Variants in YTHDF3 observed in about 807,000 individuals in gnomAD.
YTHDF3 encodes the protein YTH N6-methyladenosine RNA binding protein F3, also known as YTH domain-containing family protein 3.
A neutral mutation model predicts 52.5 loss-of-function variants in YTHDF3; 9 were observed. That is an observed-to-expected ratio of 0.17 (90% CI 0.10 to 0.30). YTHDF3 has a LOEUF of 0.30. Among genes scored for constraint, YTHDF3 ranks in the 10% least tolerant of loss-of-function variants. YTHDF3 has a pLI of 1.00. For missense variants in YTHDF3, 534 were observed against 715.0 expected (o/e 0.75, Z 2.89); for synonymous variants, 274 against 243.3 (o/e 1.13, Z -1.18).
Position 63,210,943 on chromosome 8 carries a change from G to T in YTHDF3, c.*1237G>T, listed in dbSNP as rs907649956. 1 of 152,442 alleles carries T rather than the reference G, an allele frequency of 6.6e-6. No homozygotes were observed. Among genetic ancestry groups the T allele is most frequent in the African/African-American group, 2.4e-5 (1 of 41,418 alleles). The allele number at this position is 152,442 out of a possible 1,614,324, so 9.4% of individuals were successfully genotyped here. On this transcript the variant is annotated 3_prime_UTR_variant, in exon 5 of 5. Coordinates refer to ENST00000539294, the MANE Select transcript of YTHDF3 (RefSeq NM_152758.6). ...GTATTAATTGATTTGATGGCATAAGGTTATGAAAATAATGTACTGCCCCAT... is the reference window on the plus strand; with the variant it reads ...GTATTAATTGATTTGATGGCATAAGTTTATGAAAATAATGTACTGCCCCAT...
At chr8:63,193,101 T>C (rs983661512) in intron 4 of YTHDF3, among the ~76,000 whole-genome samples, 2 of 152,062 alleles carry the variant, frequency 1.3e-5, no homozygotes, top group Non-Finnish European at 2.9e-5. Context: ...TGGCTGGGCA[T>C]GGTGGCTCAC....
intron 2 of YTHDF3, among the ~76,000 whole-genome samples, chr8:63,171,568 A>G (rs553530637): frequency 6.6e-6 from 1 of 152,314 alleles, no homozygotes; most frequent in South Asian, 2.1e-4. Context: ...TTATGACTGC[A>G]GGGAGAATTA....
chr8:63,180,213 TCAGA>T (rs1808018318), intron 3 of YTHDF3, among the ~76,000 whole-genome samples: 1 of 145,558 alleles, frequency 6.9e-6, no homozygotes, highest in South Asian at 2.3e-4. Context: ...GCCTCACTTC[TCAGA>T]CGGGGCGGTT....
intron 1 of YTHDF3, chr8:63,169,116 G>T (rs1176600216): frequency 1.3e-5 from 18 of 1,398,934 alleles, no homozygotes; most frequent in Non-Finnish European, 1.6e-5. Flanking sequence ...GTGGGGGCAA[G>T]GACCGGTCTT....
At chr8:63,194,302 G>T (rs1809099192) in intron 4 of YTHDF3, among the ~76,000 whole-genome samples, 1 of 151,790 alleles carries the variant, frequency 6.6e-6, no homozygotes, top group Admixed American at 6.6e-5. Flanking sequence ...TGGCTAACAT[G>T]TTGAAACCCC....
Position 63,198,361 on chromosome 8 carries a change from G to A in YTHDF3, c.1734+10616G>A, listed in dbSNP as rs117589607. 9.6e-3 allele frequency among the ~76,000 whole-genome samples: 1,463 copies of A among 152,240 alleles called. 6 individuals carry two copies. Among genetic ancestry groups the A allele is most frequent in the Non-Finnish European group, 0.014 (980 of 68,028 alleles). ...GGCTCACTGCAGTCTCCACCTTCGG[G>A]ATTCAAACGATTCTCATGCCTCAGC... On this transcript the variant is annotated intron_variant, in intron 4 of 4. Coordinates refer to ENST00000539294, the MANE Select transcript of YTHDF3 (RefSeq NM_152758.6).
chr8:63,179,011 T>A (rs1807889834), intron 3 of YTHDF3, among the ~76,000 whole-genome samples: 1 of 152,014 alleles, frequency 6.6e-6, no homozygotes, highest in Non-Finnish European at 1.5e-5. Context: ...ATAAAAAATA[T>A]TTTGATGGAA....
intron 4 of YTHDF3, among the ~76,000 whole-genome samples, chr8:63,197,658 A>T (rs1563409645): frequency 6.6e-6 from 1 of 152,232 alleles, no homozygotes; most frequent in Non-Finnish European, 1.5e-5. Flanking sequence ...GATATGGTAA[A>T]TTACTCATGT....
rs771022484 is a variant in YTHDF3 at position 63,175,423 on chromosome 8, CT to C, written c.135+9del. 9 of 1,602,768 alleles carry C rather than the reference CT, an allele frequency of 5.6e-6. No individual in the cohort carries two copies. The African/African-American group carries it at 1.1e-4, about 19-fold the overall frequency. On this transcript the variant is annotated splice_region_variant and intron_variant, in intron 3 of 4. Transcript: ENST00000539294. ...AAGTAGCCAGACAAATCAGGTAAGT[CT>C]TCTGACAGTTTCAGATTTTAGGAAA... is the stretch of plus-strand genomic sequence containing the variant.
intron 4 of YTHDF3, among the ~76,000 whole-genome samples, chr8:63,188,417 G>T (rs1808670086): frequency 6.6e-6 from 1 of 150,538 alleles, no homozygotes; most frequent in Non-Finnish European, 1.5e-5. Context: ...GCCTTGATCT[G>T]CTGGGCTCAA....
At chr8:63,176,138 T>C (rs1054882209) in intron 3 of YTHDF3, among the ~76,000 whole-genome samples, 8 of 152,180 alleles carry the variant, frequency 5.3e-5, no homozygotes, top group African/African-American at 1.9e-4. Context: ...AATAAGCCAC[T>C]GATAGAAATA....
chr8:63,198,189 A>T (rs1470530084), intron 4 of YTHDF3, among the ~76,000 whole-genome samples: 2 of 152,032 alleles, frequency 1.3e-5, no homozygotes, highest in African/African-American at 4.8e-5. Flanking sequence ...ATGCTGTTAC[A>T]TAGTTGGCCA....
At chr8:63,203,811 C>T (rs980545898) in intron 4 of YTHDF3, among the ~76,000 whole-genome samples, 2 of 152,122 alleles carry the variant, frequency 1.3e-5, no homozygotes, top group African/African-American at 2.4e-5. Flanking sequence ...TGTAAGATAT[C>T]CCTCAATTTC....
intron 3 of YTHDF3, among the ~76,000 whole-genome samples, 171 bp from the exon 4 acceptor site, chr8:63,185,976 C>A (rs989213754): frequency 6.6e-6 from 1 of 152,208 alleles, no homozygotes; most frequent in African/African-American, 2.4e-5. Flanking sequence ...TACTCATCAG[C>A]AAATTTTTCT....
intron 4 of YTHDF3, among the ~76,000 whole-genome samples, chr8:63,195,731 C>CGTAT (rs1554538673): frequency 4.1e-5 from 6 of 145,360 alleles, no homozygotes; most frequent in Admixed American, 6.8e-5. Flanking sequence ...CATGTATTTA[C>CGTAT]GTGTGTGTGT....
At chr8:63,199,774 A>G (rs1235669490) in intron 4 of YTHDF3, among the ~76,000 whole-genome samples, 1 of 149,914 alleles carries the variant, frequency 6.7e-6, no homozygotes, top group Non-Finnish European at 1.5e-5. Flanking sequence ...TGGCTTAAAC[A>G]TTTTTTTTTT....
At chr8:63,177,759 ATTTTTTT>A (rs748461151) in intron 3 of YTHDF3, among the ~76,000 whole-genome samples, 11 of 140,416 alleles carry the variant, frequency 7.8e-5, no homozygotes, top group African/African-American at 2.6e-4. Context: ...TCAAACTCTT[ATTTTTTT>A]TTTTTTTTTG....
chr8:63,172,895 A>G (rs895472615), intron 2 of YTHDF3: 2 of 980,614 alleles, frequency 2.0e-6, no homozygotes, highest in Admixed American at 8.5e-5. Flanking sequence ...ACTCCAAGAC[A>G]TTAGCTTGTC....
intron 4 of YTHDF3, among the ~76,000 whole-genome samples, chr8:63,204,854 C>T (rs1308115013): frequency 1.3e-5 from 2 of 151,984 alleles, no homozygotes; most frequent in East Asian, 1.9e-4. Flanking sequence ...ATCTGGTTAC[C>T]GAAATATTGC....
Sources: allele counts gnomAD v4.1 joint callset (sites outside exome capture counted in the v4.1 genomes callset), GRCh38; gene constraint gnomAD v4.1.1; transcripts MANE v1.5; gene names NCBI Gene and HGNC (gene_info 2026-07-23, HGNC 2026-07-21).